The following GRIP1 variants were observed in gnomAD, a reference collection of about 807,000 sequenced individuals.
The protein encoded by GRIP1 is glutamate receptor-interacting protein 1.
Under a neutral mutation model 129.9 loss-of-function variants are expected in GRIP1, and 45 were observed. The observed-to-expected ratio is 0.35, with a 90% CI of 0.27 to 0.44. The LOEUF (loss-of-function observed/expected upper bound fraction) is 0.44, where lower values mean the gene tolerates loss of function less well. GRIP1 is among the 20% of genes least tolerant of loss of function. GRIP1 has a pLI of 1.00. For synonymous variants in GRIP1, 530 were observed against 520.8 expected (o/e 1.02, Z -0.24); for missense variants, 1,196 against 1,396.8 (o/e 0.86, Z 2.29).
At chr12:67,059,240 G>A (rs574544329) in intron 1 of GRIP1, among the ~76,000 whole-genome samples, 1 of 152,312 alleles carries the variant, frequency 6.6e-6, no homozygotes, top group African/African-American at 2.4e-5. Flanking sequence ...AATGCTGATA[G>A]GACAAGTACC....
intron 5 of GRIP1, among the ~76,000 whole-genome samples, chr12:66,520,808 A>G (rs932272998): frequency 6.6e-6 from 1 of 152,238 alleles, no homozygotes; most frequent in Admixed American, 6.5e-5. Context: ...CTAACCATAC[A>G]GTCACTATCA....
intron 1 of GRIP1, chr12:66,630,398 T>G (rs2030632789): frequency 6.6e-6 from 1 of 151,980 alleles, no homozygotes; most frequent in African/African-American, 2.4e-5. Flanking sequence ...TCTCAGTCTC[T>G]CTGGATGTGG....
chr12:66,552,936 G>A (rs79282458), intron 2 of GRIP1, among the ~76,000 whole-genome samples: 7,059 of 152,090 alleles, frequency 0.046, 378 homozygotes, highest in Admixed American at 0.12. Flanking sequence ...CAGTGAGTCA[G>A]AGCTTCATGA....
At chr12:66,661,349 C>G (rs986478654) in intron 1 of GRIP1, among the ~76,000 whole-genome samples, 1 of 150,722 alleles carries the variant, frequency 6.6e-6, no homozygotes, top group African/African-American at 2.4e-5. Flanking sequence ...CTGAAACAAT[C>G]AAAATCCCTA....
intron 1 of GRIP1, among the ~76,000 whole-genome samples, chr12:66,893,097 T>C (rs1203779942): frequency 6.6e-6 from 1 of 152,170 alleles, no homozygotes; most frequent in Non-Finnish European, 1.5e-5. Context: ...CAACAACCAC[T>C]GATCTGTTCT....
At chr12:66,781,513 C>G (rs1487426827) in intron 1 of GRIP1, among the ~76,000 whole-genome samples, 1 of 152,108 alleles carries the variant, frequency 6.6e-6, no homozygotes, top group Non-Finnish European at 1.5e-5. Flanking sequence ...ATTACCCAAG[C>G]AAAGTATACA....
At chr12:66,447,590 T>C (rs1297741142) in intron 11 of GRIP1, among the ~76,000 whole-genome samples, 2 of 152,172 alleles carry the variant, frequency 1.3e-5, no homozygotes, top group Admixed American at 6.5e-5. Flanking sequence ...CTCTTCCTTT[T>C]TTCCCCCACT....
chr12:66,463,244 A>G (rs968495815), intron 8 of GRIP1, 151 bp from the exon 9 acceptor site: 8 of 691,060 alleles, frequency 1.2e-5, no homozygotes, highest in Non-Finnish European at 1.8e-5. Flanking sequence ...ACCATCTGCC[A>G]AATTTTAAGT....
At chr12:66,594,405 G>A (rs895211079) in intron 2 of GRIP1, among the ~76,000 whole-genome samples, 3 of 152,126 alleles carry the variant, frequency 2.0e-5, no homozygotes, top group Non-Finnish European at 2.9e-5. Context: ...ATACAGCCCA[G>A]GACGGCTTTG....
At chr12:67,048,205 G>C (rs1371938668) in intron 1 of GRIP1, among the ~76,000 whole-genome samples, 1 of 150,822 alleles carries the variant, frequency 6.6e-6, no homozygotes, top group African/African-American at 2.4e-5. Flanking sequence ...CATAATACTT[G>C]AAATTTGTTT....
intron 4 of GRIP1, among the ~76,000 whole-genome samples, chr12:66,535,874 C>T (rs1220586815): frequency 6.6e-6 from 1 of 152,156 alleles, no homozygotes; most frequent in Non-Finnish European, 1.5e-5. Context: ...ACAGATCTTT[C>T]TCTCAAACTC....
intron 1 of GRIP1, among the ~76,000 whole-genome samples, chr12:66,827,387 T>TGTGAGAGAGAGA (rs755458052): frequency 2.8e-5 from 3 of 108,226 alleles, no homozygotes; most frequent in African/African-American, 1.1e-4. Context: ...TGTGTGTGTG[T>TGTGAGAGAGAGA]GAGAGAGAGA....
At chr12:66,478,390 G>A (rs1175995446) in intron 7 of GRIP1, among the ~76,000 whole-genome samples, 1 of 152,192 alleles carries the variant, frequency 6.6e-6, no homozygotes, top group African/African-American at 2.4e-5. Flanking sequence ...AGGTGCTGGA[G>A]AGGATGTGGA....
At chr12:66,964,812 G>A (rs1249448248) in intron 1 of GRIP1, among the ~76,000 whole-genome samples, 1 of 152,120 alleles carries the variant, frequency 6.6e-6, no homozygotes, top group Non-Finnish European at 1.5e-5. Flanking sequence ...ATAAGCCTAA[G>A]ATCAAGGGAT....
chr12:66,972,936 G>A (rs191703152), intron 1 of GRIP1, among the ~76,000 whole-genome samples: 4 of 152,158 alleles, frequency 2.6e-5, no homozygotes, highest in African/African-American at 7.2e-5. Context: ...AACAGGGTCC[G>A]GGGTGAAAAG....
chr12:66,617,085 T>TGTGTGTGTGTGTGTG lies in GRIP1; in HGVS notation c.56-20159_56-20158insCACACACACACACAC, dbSNP rs370300223. Among the ~76,000 whole-genome samples the TGTGTGTGTGTGTGTG allele has an allele frequency of 1.3e-3, 181 of 135,518 alleles. 2 individuals carry two copies. The highest frequency in any genetic ancestry group is 1.6e-3 in the Non-Finnish European group (100 of 63,504). 88.9% of individuals were successfully genotyped at this position (135,518 alleles called of 152,430 possible). A position where few individuals can be genotyped will look rare whatever the true frequency, so the allele number is the denominator to read the frequency against. On this transcript the variant is annotated intron_variant, in intron 1 of 24. Transcript: ENST00000359742. ...AGCAACTTGACAAGCAACAGACGTT[T>TGTGTGTGTGTGTGTG]TGTGTGTGTGTGTGTGTGTGTGTGT...
chr12:66,571,000 T>TAA (rs1338349742), intron 2 of GRIP1: 3 of 152,184 alleles, frequency 2.0e-5, no homozygotes, highest in African/African-American at 7.2e-5. Flanking sequence ...TGTGAGGACT[T>TAA]AAAACTCTAA....
intron 1 of GRIP1, among the ~76,000 whole-genome samples, chr12:66,964,147 T>C (rs2041962464): frequency 6.6e-6 from 1 of 152,150 alleles, no homozygotes. Context: ...TTTCCCGCAG[T>C]GCTGCCAAAG....
At chr12:66,607,001 GAGAGAGAGAGAGAA>G (rs2064563115) in intron 1 of GRIP1, among the ~76,000 whole-genome samples, 6 of 139,892 alleles carry the variant, frequency 4.3e-5, no homozygotes, top group Admixed American at 2.7e-4. Flanking sequence ...TGGAGAGAGA[GAGAGAGAGAGAGAA>G]AGAGAGAGAG....
Sources: gnomAD v4.1 joint callset for allele counts (sites outside exome capture counted in the v4.1 genomes callset) on GRCh38, gnomAD v4.1.1 for gene constraint, MANE v1.5 for transcripts, NCBI Gene and HGNC (gene_info 2026-07-23, HGNC 2026-07-21) for gene names.